The following PCDHGA8 variants were observed in gnomAD, a reference collection of about 807,000 sequenced individuals.
The protein encoded by PCDHGA8 is protocadherin gamma-A8.
PCDHGA8 carries 45 observed loss-of-function variants against 59.2 expected under a neutral mutation model. That is an observed-to-expected ratio of 0.76 (90% CI 0.60 to 0.98). PCDHGA8 has a LOEUF of 0.98. Among genes scored for constraint, PCDHGA8 ranks in the 50% least tolerant of loss-of-function variants. The pLI is 0.00. For missense variants in PCDHGA8, 1,257 were observed against 1,196.2 expected (o/e 1.05, Z -0.75); for synonymous variants, 531 against 519.0 (o/e 1.02, Z -0.32).
chr5:141,478,013 C>G (rs768425714), intron 1 of PCDHGA8: 6 of 1,614,136 alleles, frequency 3.7e-6, no homozygotes. Flanking sequence ...TACTGCCCGT[C>G]CAGTCCAAGA....
chr5:141,451,095 T>G (rs1158753327), intron 1 of PCDHGA8, among the ~76,000 whole-genome samples: 2 of 152,180 alleles, frequency 1.3e-5, no homozygotes, highest in African/African-American at 4.8e-5. Context: ...CCCAAAGTGT[T>G]GGGATTACAG....
At chr5:141,403,058 C>A in intron 1 of PCDHGA8, 1 of 1,614,060 alleles carries the variant, frequency 6.2e-7, no homozygotes, top group Non-Finnish European at 8.5e-7. Context: ...CTACTCAGTG[C>A]CTGAAGAGAC....
At chr5:141,509,077 C>A (rs1371396735) in intron 3 of PCDHGA8, among the ~76,000 whole-genome samples, 3 of 152,242 alleles carry the variant, frequency 2.0e-5, no homozygotes, top group Admixed American at 2.0e-4. Flanking sequence ...CGGGGATTTG[C>A]GACATGAAAT....
At chr5:141,422,777 C>T in intron 1 of PCDHGA8, 1 of 1,613,982 alleles carries the variant, frequency 6.2e-7, no homozygotes, top group Non-Finnish European at 8.5e-7. Context: ...GTTCTCTATG[C>T]CCTACAATCC....
chr5:141,478,097 A>G lies in PCDHGA8; in HGVS notation c.2425-16710A>G, dbSNP rs757796085. Reference sequence around the variant, plus strand: ...GGAGCCTTCGCTCTCCACCACTGCTACCCTCACTGTGTCAGTAACCGAGGA... The same window carrying G: ...GGAGCCTTCGCTCTCCACCACTGCTGCCCTCACTGTGTCAGTAACCGAGGA... On this transcript the variant is annotated intron_variant, in intron 1 of 3. Transcript: ENST00000398604. 9.9e-6 allele frequency: 16 copies of G among 1,613,666 alleles called. No homozygotes were observed. Among genetic ancestry groups the G allele is most frequent in the Admixed American group, 1.7e-5 (1 of 59,970 alleles).
chr5:141,410,849 CTTT>C (rs759346998), intron 1 of PCDHGA8: 1,556 of 136,944 alleles, frequency 0.011, no homozygotes, highest in South Asian at 0.02. Flanking sequence ...TTGTCTTTGT[CTTT>C]TTTTTTTTTT....
At chr5:141,424,628 A>C (rs962512805) in intron 1 of PCDHGA8, 3 of 152,348 alleles carry the variant, frequency 2.0e-5, no homozygotes, top group African/African-American at 7.2e-5. Flanking sequence ...GTTTGTGAAT[A>C]TATAAATAGA....
chr5:141,511,010 A>G lies in PCDHGA8; in HGVS notation c.2636A>G (p.Tyr879Cys), dbSNP rs1286219897. 6.2e-6 allele frequency: 10 copies of G among 1,614,054 alleles called. No homozygotes were observed. Among genetic ancestry groups the G allele is most frequent in the African/African-American group, 1.3e-5 (1 of 74,916 alleles). Residue 879 changes from tyrosine to cysteine, a missense_variant, in exon 4 of 4, where the codon TAC becomes TGC. By Grantham distance (194) the Tyr-to-Cys change is radical (BLOSUM62 -2). Coordinates refer to ENST00000398604, the MANE Select transcript of PCDHGA8 (RefSeq NM_032088.2). ...GGCACCATGGGATTGAGCGCCCGCT[A>G]CGGACCCCAGTTCACCCTGCAGCAC... Reference protein sequence around the residue: ...GAGTMGLSARYGPQFTLQHVP... With the variant: ...GAGTMGLSARCGPQFTLQHVP...
At chr5:141,501,326 CACACACA>C (rs1562200783) in intron 2 of PCDHGA8, among the ~76,000 whole-genome samples, 10 of 151,784 alleles carry the variant, frequency 6.6e-5, no homozygotes, top group African/African-American at 1.9e-4. Flanking sequence ...CACACACACA[CACACACA>C]CCCCAAACTC....
At position 141,511,855 on chromosome 5, in the gene PCDHGA8, ATTGT is replaced by A. The variant is rs2099883980; in HGVS notation, c.*686_*689del. ...GGACCAGTCTTCTGTTTTGTTTTTCATTGTTTGACGTTTCCACTGCATGCCTTGA... is the reference window on the plus strand; with the variant it reads ...GGACCAGTCTTCTGTTTTGTTTTTCATTGACGTTTCCACTGCATGCCTTGA... On this transcript the variant is annotated 3_prime_UTR_variant, in exon 4 of 4. Coordinates refer to ENST00000398604, the MANE Select transcript of PCDHGA8 (RefSeq NM_032088.2). 1 of 156,316 alleles carries A rather than the reference ATTGT, an allele frequency of 6.4e-6. No individual in the cohort carries two copies. Among genetic ancestry groups the A allele is most frequent in the South Asian group, 2.0e-4 (1 of 5,082 alleles). The allele number at this position is 156,316 out of a possible 1,614,324, so 9.7% of individuals were successfully genotyped here.
intron 1 of PCDHGA8, chr5:141,478,354 C>T (rs141625672): frequency 1.2e-6 from 2 of 1,613,778 alleles, no homozygotes; most frequent in Non-Finnish European, 8.5e-7. Context: ...ACGCGGACGC[C>T]GTGCGGGGAG....
Position 141,511,089 on chromosome 5 carries a change from C to T in PCDHGA8, c.2715C>T (p.Thr905=). The change falls in exon 4 of 4, where the codon ACC becomes ACT. Residue 905 remains threonine (T), a synonymous_variant. Transcript: ENST00000398604. ...TCCCAGGCAGCAATGCCACACTGAC[C>T]AACGCAGCTGGCAAGCGGGATGGCA... is the stretch of plus-strand genomic sequence containing the variant. ...VYIPGSNATL[T]NAAGKRDGKA... 1 of 1,614,212 alleles carries T rather than the reference C, an allele frequency of 6.2e-7. No individual in the cohort carries two copies. Among genetic ancestry groups the T allele is most frequent in the Non-Finnish European group, 8.5e-7 (1 of 1,180,026 alleles).
chr5:141,423,746 T>G, intron 1 of PCDHGA8: 2 of 384,794 alleles, frequency 5.2e-6, no homozygotes, highest in Non-Finnish European at 6.6e-6. Flanking sequence ...TTATGAAAAC[T>G]GTTTGGGGGG....
At chr5:141,427,087 A>G (rs1338132084) in intron 1 of PCDHGA8, 1 of 458,198 alleles carries the variant, frequency 2.2e-6, no homozygotes, top group Non-Finnish European at 4.4e-6. Flanking sequence ...ACTGACCAGG[A>G]TGAGGGTGTC....
Position 141,392,895 on chromosome 5 carries a change from A to C in PCDHGA8, c.82A>C (p.Arg28=), listed in dbSNP as rs1213908930. ...ALLGTLWEIG[R]GQIRYSVPEE... ...GCTGGGAACGCTGTGGGAAATCGGG[A>C]GGGGACAGATTCGCTACTCTGTGCC... Residue 28 remains arginine (R), a synonymous_variant, in exon 1 of 4, where the codon AGG becomes CGG. Transcript: ENST00000398604. 11 of 1,613,660 alleles carry C rather than the reference A, an allele frequency of 6.8e-6. No individual in the cohort carries two copies. The Admixed American group carries it at 1.8e-4, about 27-fold the overall frequency.
chr5:141,456,072 T>C (rs1349808406), intron 1 of PCDHGA8, among the ~76,000 whole-genome samples: 2 of 151,950 alleles, frequency 1.3e-5, no homozygotes, highest in Non-Finnish European at 2.9e-5. Flanking sequence ...TAATTTTTTG[T>C]ATTTTCAGTA....
chr5:141,474,628 A>C (rs1169097645), intron 1 of PCDHGA8, among the ~76,000 whole-genome samples: 1 of 152,234 alleles, frequency 6.6e-6, no homozygotes, highest in Non-Finnish European at 1.5e-5. Flanking sequence ...TCTCTTCCGG[A>C]AATATCCTAT....
At chr5:141,443,713 A>G (rs774603084) in intron 1 of PCDHGA8, among the ~76,000 whole-genome samples, 19 of 152,246 alleles carry the variant, frequency 1.2e-4, no homozygotes, top group Admixed American at 8.5e-4. Flanking sequence ...ACATTTGCAT[A>G]TAAAATTCCT....
At position 141,476,209 on chromosome 5, in the gene PCDHGA8, G is replaced by A. The variant is rs749576231; in HGVS notation, c.2425-18598G>A. ...TTGGTGCCTTGAACAAGGCTTCCAC[G>A]GTCATTCACTATGAGATCCCGGAGG... On this transcript the variant is annotated intron_variant, in intron 1 of 3. Coordinates refer to ENST00000398604, the MANE Select transcript of PCDHGA8 (RefSeq NM_032088.2). The surrounding 1 kb of genome is among the most constrained non-coding windows in gnomAD (Gnocchi z 7.6). The A allele has an allele frequency of 3.1e-6, 5 of 1,613,974 alleles. No individual in the cohort carries two copies. Among genetic ancestry groups the A allele is most frequent in the Admixed American group, 1.7e-5 (1 of 60,014 alleles).
Sources: gnomAD v4.1 joint callset for allele counts (sites outside exome capture counted in the v4.1 genomes callset) on GRCh38, gnomAD v4.1.1 for gene constraint, Gnocchi (gnomAD v3.1) non-coding constraint, MANE v1.5 for transcripts, NCBI Gene and HGNC (gene_info 2026-07-23, HGNC 2026-07-21) for gene names.